The following SEMA6A variants were observed in gnomAD, a reference collection of about 807,000 sequenced individuals.
The protein encoded by SEMA6A is semaphorin-6A.
SEMA6A carries 25 observed loss-of-function variants against 96.8 expected under a neutral mutation model. That is an observed-to-expected ratio of 0.26 (90% confidence interval 0.19 to 0.36). The LOEUF is 0.36. SEMA6A is among the 10% of genes least tolerant of loss of function. The pLI, the probability that SEMA6A is intolerant of heterozygous loss-of-function variation, is 1.00. For missense variants in SEMA6A, 1,363 were observed against 1,323.1 expected (o/e 1.03, Z -0.47); for synonymous variants, 612 against 518.0 (o/e 1.18, Z -2.46).
chr5:116,555,970 C>T (rs1042487178), intron 1 of SEMA6A, among the ~76,000 whole-genome samples: 7 of 152,098 alleles, frequency 4.6e-5, no homozygotes, highest in Non-Finnish European at 1.0e-4. Flanking sequence ...ATTCAGAAAA[C>T]TCACCCAGTG....
In SEMA6A at chr5:116,447,581, A is replaced by G. The variant is rs1455385350; in HGVS notation, c.2125T>C (p.Phe709Leu). ...GGGTCTTTGGATTGAGTGTCCCCAA[A>G]GAGGCCGCTGAGCTTGGTGACGCTG... is the stretch of plus-strand genomic sequence containing the variant. ...MSSVTKLSGLFGDTQSKDPKP... is the reference protein window; with the variant it reads ...MSSVTKLSGLLGDTQSKDPKP... Residue 709 changes from phenylalanine to leucine, a missense_variant, in exon 19 of 19, where the codon TTT becomes CTT. Physicochemically the swap from Phe to Leu is conservative, Grantham distance 22. Around this residue, in one of 2 missense-constraint regions of SEMA6A, gnomAD observed 883 missense variants for 763.6 expected, o/e 1.16. Transcript: ENST00000343348. 1 of 1,614,036 alleles carries G rather than the reference A, an allele frequency of 6.2e-7. No individual in the cohort carries two copies. The highest frequency in any genetic ancestry group is 8.5e-7 in the Non-Finnish European group (1 of 1,179,894).
intron 18 of SEMA6A, among the ~76,000 whole-genome samples, chr5:116,462,644 G>A (rs1755484068): frequency 6.6e-6 from 1 of 152,174 alleles, no homozygotes; most frequent in South Asian, 2.1e-4. Flanking sequence ...GCACTGGATT[G>A]TATAATTACA....
At chr5:116,534,119 T>G (rs1759610354) in intron 1 of SEMA6A, among the ~76,000 whole-genome samples, 1 of 152,204 alleles carries the variant, frequency 6.6e-6, no homozygotes, top group Admixed American at 6.5e-5. Context: ...ATTCTAAAAC[T>G]ATCTTTTTCT....
At chr5:116,534,596 T>C (rs992925739) in intron 1 of SEMA6A, among the ~76,000 whole-genome samples, 9 of 152,250 alleles carry the variant, frequency 5.9e-5, no homozygotes, top group Non-Finnish European at 7.3e-5. Flanking sequence ...TCATCATCTA[T>C]GTGGGTTCCT....
At chr5:116,535,714 T>C (rs1045678200) in intron 1 of SEMA6A, among the ~76,000 whole-genome samples, 3 of 152,190 alleles carry the variant, frequency 2.0e-5, no homozygotes, top group Admixed American at 1.3e-4. Flanking sequence ...AGCTATTATA[T>C]AGGTCATGTT....
chr5:116,494,554 T>C (rs1240047430), intron 6 of SEMA6A, among the ~76,000 whole-genome samples: 1 of 152,192 alleles, frequency 6.6e-6, no homozygotes, highest in Non-Finnish European at 1.5e-5. Context: ...CCTCACCTCA[T>C]GCATGGCAGG....
At chr5:116,509,295 G>T (rs1261266664) in intron 1 of SEMA6A, among the ~76,000 whole-genome samples, 2 of 152,148 alleles carry the variant, frequency 1.3e-5, no homozygotes, top group African/African-American at 4.8e-5. Flanking sequence ...AAAAGGAAAT[G>T]ATAATAGTGG....
Position 116,460,857 on chromosome 5 carries a change from C to A in SEMA6A, c.1894+6726G>T, listed in dbSNP as rs1479375394. Among the ~76,000 whole-genome samples the A allele has an allele frequency of 2.7e-5, 4 of 149,920 alleles. No individual in the cohort carries two copies. The Admixed American group carries it at 2.7e-4, about 10-fold the overall frequency. ...CTGGAATGCAGTGGCACGATCTCGGCTGACTGCAACCTCCACCTCCCTGGT... is the reference window on the plus strand; with the variant it reads ...CTGGAATGCAGTGGCACGATCTCGGATGACTGCAACCTCCACCTCCCTGGT... On this transcript the variant is annotated intron_variant, in intron 18 of 18. Coordinates refer to ENST00000343348, the MANE Select transcript of SEMA6A (RefSeq NM_020796.5).
chr5:116,549,139 C>G (rs1409401768), intron 1 of SEMA6A, among the ~76,000 whole-genome samples: 2 of 152,136 alleles, frequency 1.3e-5, no homozygotes, highest in African/African-American at 4.8e-5. Flanking sequence ...ATGCTAAATT[C>G]CCTTAATATC....
chr5:116,488,291 T>G, intron 8 of SEMA6A, 95 bp from the exon 9 acceptor site: 2 of 797,524 alleles, frequency 2.5e-6, no homozygotes, highest in East Asian at 5.4e-5. Flanking sequence ...TAATTAAAAG[T>G]GTAGCACCAT....
chr5:116,545,732 A>T (rs937434688), intron 1 of SEMA6A, among the ~76,000 whole-genome samples: 7 of 152,190 alleles, frequency 4.6e-5, no homozygotes, highest in Non-Finnish European at 8.8e-5. Flanking sequence ...GACATTTCTA[A>T]TACCACCTAG....
At chr5:116,568,537 G>C (rs1397613215) in intron 1 of SEMA6A, among the ~76,000 whole-genome samples, 2 of 152,218 alleles carry the variant, frequency 1.3e-5, no homozygotes, top group Admixed American at 1.3e-4. Context: ...TCTATGGCCA[G>C]TGGTTAGAAT....
At chr5:116,472,489 C>A (rs1041506165) in intron 17 of SEMA6A, 1 of 167,862 alleles carries the variant, frequency 6.0e-6, no homozygotes, top group Non-Finnish European at 1.3e-5. Context: ...AGGGTATTGT[C>A]CTGAGTGCCA....
At chr5:116,498,140 C>T (rs535436371) in intron 3 of SEMA6A, among the ~76,000 whole-genome samples, 21 of 152,168 alleles carry the variant, frequency 1.4e-4, no homozygotes, top group Admixed American at 6.5e-4. Context: ...AGTACAAGGG[C>T]GTTTTTGTCT....
intron 10 of SEMA6A, among the ~76,000 whole-genome samples, chr5:116,484,442 A>G (rs916770988): frequency 6.6e-6 from 1 of 152,062 alleles, no homozygotes; most frequent in Non-Finnish European, 1.5e-5. Context: ...TACTTAAGGC[A>G]GTAAGTGCAC....
intron 18 of SEMA6A, among the ~76,000 whole-genome samples, chr5:116,451,694 C>G (rs1054954545): frequency 6.6e-6 from 1 of 152,042 alleles, no homozygotes; most frequent in Non-Finnish European, 1.5e-5. Context: ...AAATGAACTT[C>G]TAAACTTGGG....
chr5:116,506,748 TAAAGAAGCA>T (rs1758163017), intron 1 of SEMA6A, among the ~76,000 whole-genome samples: 1 of 152,124 alleles, frequency 6.6e-6, no homozygotes. Flanking sequence ...AATAGTATTA[TAAAGAAGCA>T]TATTGCCTCA....
intron 11 of SEMA6A, among the ~76,000 whole-genome samples, chr5:116,481,052 C>T (rs755806789): frequency 3.3e-5 from 5 of 152,136 alleles, no homozygotes; most frequent in African/African-American, 4.8e-5. Context: ...CTCACGACAC[C>T]AGCATGAACC....
At position 116,496,980 on chromosome 5, in the gene SEMA6A, C is replaced by T. The variant is rs191684538; in HGVS notation, c.279+347G>A. 3.9e-5 allele frequency among the ~76,000 whole-genome samples: 6 copies of T among 152,282 alleles called. No homozygotes were observed. The South Asian group carries it at 8.3e-4, about 21-fold the overall frequency. On this transcript the variant is annotated intron_variant, in intron 4 of 18. Coordinates refer to ENST00000343348, the MANE Select transcript of SEMA6A (RefSeq NM_020796.5). ...AATACTGCAAGACATGGAAATATAA[C>T]ATTGAAACCTTTGTAGAATACATTT... is the stretch of plus-strand genomic sequence containing the variant.
Sources: gnomAD v4.1 joint callset for allele counts (sites outside exome capture counted in the v4.1 genomes callset) on GRCh38, gnomAD v4.1.1 for gene constraint, gnomAD v4.1.1 regional missense constraint, MANE v1.5 for transcripts, NCBI Gene and HGNC (gene_info 2026-07-23, HGNC 2026-07-21) for gene names.